The following ARAP2 variants were observed in gnomAD, a reference collection of about 807,000 sequenced individuals.
ARAP2 encodes arf-GAP with Rho-GAP domain, ANK repeat and PH domain-containing protein 2.
Under a neutral mutation model 194.5 loss-of-function variants are expected in ARAP2, and 148 were observed. The observed-to-expected ratio is 0.76, with a 90% CI of 0.67 to 0.87. The LOEUF (loss-of-function observed/expected upper bound fraction) is 0.87, where lower values mean the gene tolerates loss of function less well. Ranked by LOEUF, ARAP2 falls within the 40% of genes least tolerant of loss-of-function variation. ARAP2 has a pLI of 0.00. For synonymous variants in ARAP2, 695 were observed against 683.5 expected (o/e 1.02, Z -0.26); for missense variants, 2,128 against 1,989.7 (o/e 1.07, Z -1.32).
intron 15 of ARAP2, among the ~76,000 whole-genome samples, chr4:36,154,619 GA>G (rs970703438): frequency 7.0e-4 from 102 of 144,908 alleles, no homozygotes; most frequent in African/African-American, 2.2e-3. Context: ...AATTGAAAAG[GA>G]AAAAAAAAAG....
intron 20 of ARAP2, among the ~76,000 whole-genome samples, chr4:36,132,709 T>A (rs1193874776): frequency 6.6e-6 from 1 of 151,802 alleles, no homozygotes; most frequent in South Asian, 2.1e-4. Context: ...CATTGAAATA[T>A]CTGTTGAAAA....
intron 23 of ARAP2, among the ~76,000 whole-genome samples, chr4:36,120,402 G>GT (rs1300953288): frequency 1.3e-5 from 2 of 151,480 alleles, no homozygotes; most frequent in African/African-American, 4.8e-5. Flanking sequence ...TAATAAGAAC[G>GT]TAAGAACTCT....
intron 6 of ARAP2, among the ~76,000 whole-genome samples, chr4:36,197,189 A>G (rs13151944): frequency 0.89 from 134,992 of 152,020 alleles, 60,121 homozygotes; most frequent in East Asian, 1. Flanking sequence ...ATACGCATAC[A>G]ATGTGTAATG....
At chr4:36,174,266 C>T (rs953009721) in intron 9 of ARAP2, among the ~76,000 whole-genome samples, 1 of 152,194 alleles carries the variant, frequency 6.6e-6, no homozygotes. Flanking sequence ...TATTATAACA[C>T]ATTGCAGGCA....
Position 36,160,478 on chromosome 4 carries a change from G to A in ARAP2, c.2423C>T (p.Thr808Ile), listed in dbSNP as rs200508543. The A allele has an allele frequency of 3.5e-5, 54 of 1,557,416 alleles. No individual in the cohort carries two copies. Among genetic ancestry groups the A allele is most frequent in the Non-Finnish European group, 4.3e-5 (50 of 1,158,302 alleles). ...KFRKTLLASL[T>I]KEELNKALCA... ...GAATACCTTATTTAATTCTTCTTTGGTGAGAGATGCCAAAAGAGTTTTTCT... is the reference window on the plus strand; with the variant it reads ...GAATACCTTATTTAATTCTTCTTTGATGAGAGATGCCAAAAGAGTTTTTCT... The change falls in exon 13 of 33, where the codon ACC becomes ATC. Residue 808 changes from threonine to isoleucine, a missense_variant. Coordinates refer to ENST00000303965, the MANE Select transcript of ARAP2 (RefSeq NM_015230.4).
At chr4:36,169,654 C>T (rs1019128945) in intron 9 of ARAP2, among the ~76,000 whole-genome samples, 2 of 152,114 alleles carry the variant, frequency 1.3e-5, no homozygotes, top group Non-Finnish European at 2.9e-5. Context: ...GCCTCAGCCT[C>T]CTGAGTAGCT....
At chr4:36,144,377 A>C (rs1729110947) in intron 19 of ARAP2, among the ~76,000 whole-genome samples, 3 of 151,894 alleles carry the variant, frequency 2.0e-5, no homozygotes, top group Admixed American at 6.6e-5. Context: ...GTAAAACTGC[A>C]TTTATGCTAG....
At chr4:36,243,502 G>A (rs544515781) in intron 1 of ARAP2, 1 of 151,136 alleles carries the variant, frequency 6.6e-6, no homozygotes, top group South Asian at 2.1e-4. Context: ...AATTATCAAA[G>A]GCTATATAAT....
intron 9 of ARAP2, among the ~76,000 whole-genome samples, chr4:36,010,526 G>A (rs1245748466): frequency 6.6e-6 from 1 of 152,068 alleles, no homozygotes; most frequent in Non-Finnish European, 1.5e-5. Flanking sequence ...AAATGACACT[G>A]ATTCACATAC....
rs1338324737 is a variant in ARAP2 at position 36,158,801 on chromosome 4, A to G, written c.2681T>C (p.Phe894Ser). 6.2e-7 allele frequency: 1 copy of G among 1,612,374 alleles called. No homozygotes were observed. Among genetic ancestry groups the G allele is most frequent in the East Asian group, 2.2e-5 (1 of 44,772 alleles). ...VLSQESSQST[F>S]LCDFLYQAPS... ...AGCTTGATATAAAAAGTCACAGAGG[A>G]ATGTGGACTGGGAAGACTCTTGACT... is the stretch of plus-strand genomic sequence containing the variant. Residue 894 changes from phenylalanine to serine, a missense_variant, in exon 15 of 33, where the codon TTC becomes TCC. Physicochemically the swap from Phe to Ser is radical, Grantham distance 155 (BLOSUM62 -2). Coordinates refer to ENST00000303965, the MANE Select transcript of ARAP2 (RefSeq NM_015230.4).
At chr4:36,060,371 T>C (rs574012626) in intron 1 of ARAP2, among the ~76,000 whole-genome samples, 4 of 152,160 alleles carry the variant, frequency 2.6e-5, no homozygotes, top group Non-Finnish European at 5.9e-5. Flanking sequence ...TTTTATTCTA[T>C]ATTATTTTAG....
chr4:36,141,207 T>C (rs1728230990), intron 19 of ARAP2, among the ~76,000 whole-genome samples: 2 of 151,630 alleles, frequency 1.3e-5, no homozygotes, highest in Admixed American at 1.3e-4. Context: ...GTCTAGAATA[T>C]TCACTAACAA....
intron 26 of ARAP2, among the ~76,000 whole-genome samples, chr4:36,113,539 C>T (rs1720556724): frequency 1.3e-5 from 2 of 152,006 alleles, no homozygotes; most frequent in South Asian, 4.2e-4. Flanking sequence ...CAAAGTGTCC[C>T]AAGACCTTAG....
intron 26 of ARAP2, among the ~76,000 whole-genome samples, 155 bp downstream of exon 26, chr4:36,114,015 T>TA (rs1357544795): frequency 1.3e-5 from 2 of 151,918 alleles, no homozygotes; most frequent in East Asian, 3.9e-4. Context: ...AGTAAAATCA[T>TA]AAAAAGGCAA....
intron 9 of ARAP2, among the ~76,000 whole-genome samples, chr4:36,009,538 A>T (rs1560255206): frequency 6.6e-6 from 1 of 152,070 alleles, no homozygotes; most frequent in Non-Finnish European, 1.5e-5. Flanking sequence ...GGGAGAGGGT[A>T]AGGATTGGAT....
Position 36,068,155 on chromosome 4 carries a change from G to T in ARAP2, c.4867C>A (p.Leu1623Ile). ...CGATGTTTTCGGGGTCGATTTCGAA[G>T]TTTATCGTCCTTGTGCTCCAGGCAG... is the stretch of plus-strand genomic sequence containing the variant. Reference protein sequence around the residue: ...AHCLEHKDDKLRNRPRKHRSF... With the variant: ...AHCLEHKDDKIRNRPRKHRSF... The change falls in exon 33 of 33, where the codon CTT becomes ATT. Residue 1623 changes from leucine (L) to isoleucine (I), a missense_variant. Physicochemically the swap from Leu to Ile is conservative, Grantham distance 5 (BLOSUM62 2). Coordinates refer to ENST00000303965, the MANE Select transcript of ARAP2 (RefSeq NM_015230.4). The T allele has an allele frequency of 6.2e-7, 1 of 1,613,892 alleles. No homozygotes were observed. Among genetic ancestry groups the T allele is most frequent in the African/African-American group, 1.3e-5 (1 of 75,040 alleles).
At chr4:36,237,080 G>A (rs1578383741) in intron 1 of ARAP2, among the ~76,000 whole-genome samples, 1 of 152,294 alleles carries the variant, frequency 6.6e-6, no homozygotes, top group South Asian at 2.1e-4. Context: ...CAAATTAAGG[G>A]AGAACATCTT....
At chr4:36,095,601 A>G (rs1714944222) in intron 27 of ARAP2, among the ~76,000 whole-genome samples, 1 of 152,176 alleles carries the variant, frequency 6.6e-6, no homozygotes, top group Admixed American at 6.6e-5. Context: ...CTCCTTTAAC[A>G]GCAATTGTAT....
At chr4:36,212,636 GAA>G (rs1408046990) in intron 4 of ARAP2, 149 bp from the exon 5 acceptor site, 1 of 501,614 alleles carries the variant, frequency 2.0e-6, no homozygotes, top group African/African-American at 2.0e-5. Flanking sequence ...TCAATTTTCA[GAA>G]AAAAAAGTTA....
Sources: gnomAD v4.1 joint callset for allele counts (sites outside exome capture counted in the v4.1 genomes callset) on GRCh38, gnomAD v4.1.1 for gene constraint, MANE v1.5 for transcripts, NCBI Gene and HGNC (gene_info 2026-07-23, HGNC 2026-07-21) for gene names.